Variants in MPP4 observed in about 807,000 individuals in gnomAD.
MPP4 encodes the protein MAGUK p55 subfamily member 4.
Under a neutral mutation model 98.3 loss-of-function variants are expected in MPP4, and 91 were observed. The observed-to-expected ratio is 0.93, with a 90% CI of 0.78 to 1.10. The LOEUF (loss-of-function observed/expected upper bound fraction) is 1.10. Ranked by LOEUF, MPP4 falls within the 50% of genes least tolerant of loss-of-function variation. The pLI is 0.00. For synonymous variants in MPP4, 261 were observed against 271.8 expected (o/e 0.96, Z 0.39); for missense variants, 744 against 792.9 (o/e 0.94, Z 0.74).
chr2:201,677,103 C>G (rs1006994763), intron 10 of MPP4, among the ~76,000 whole-genome samples: 18 of 152,026 alleles, frequency 1.2e-4, no homozygotes, highest in African/African-American at 3.9e-4. Flanking sequence ...TGTACCTTTC[C>G]TTGGTTACTC....
In MPP4 at chr2:201,658,485, A is replaced by T. The variant is rs1374074147; in HGVS notation, c.1121T>A (p.Phe374Tyr). 12 of 1,613,170 alleles carry T rather than the reference A, an allele frequency of 7.4e-6. No individual in the cohort carries two copies. The highest frequency in any genetic ancestry group is 3.3e-4 in the Middle Eastern group (2 of 6,060). The change falls in exon 16 of 22, where the codon TTC (phenylalanine) becomes TAC (tyrosine). Residue 374 changes from phenylalanine (F) to tyrosine (Y), a missense_variant. Phe to Tyr is a conservative substitution (Grantham distance 22). Coordinates refer to ENST00000409474, the MANE Select transcript of MPP4 (RefSeq NM_033066.3). ...GTTAATTTATCACCTACCTATAAAG[A>T]ACTTCTGACCGTAGCCAACAAACTC... ...KEEFVGYGQK[F>Y]FIAGFRRSMR...
intron 18 of MPP4, chr2:201,650,653 A>T: frequency 8.1e-6 from 8 of 985,398 alleles, no homozygotes; most frequent in Non-Finnish European, 9.6e-6. Context: ...AGACTGATGA[A>T]AAGCGAAGTT....
chr2:201,683,034 A>G (rs1377803985), intron 7 of MPP4, 118 bp from the exon 8 acceptor site: 20 of 660,302 alleles, frequency 3.0e-5, no homozygotes, highest in Non-Finnish European at 2.5e-6. Context: ...AATGTTTAAT[A>G]TAAAATAATA....
intron 3 of MPP4, among the ~76,000 whole-genome samples, 169 bp downstream of exon 3, chr2:201,692,739 G>T (rs1239699175): frequency 1.3e-5 from 2 of 152,086 alleles, no homozygotes; most frequent in East Asian, 3.9e-4. Flanking sequence ...CACTGAATCT[G>T]CTGCCGACTG....
At chr2:201,648,895 C>G (rs1157456193) in intron 20 of MPP4, among the ~76,000 whole-genome samples, 1 of 152,054 alleles carries the variant, frequency 6.6e-6, no homozygotes, top group Non-Finnish European at 1.5e-5. Flanking sequence ...GAAACCCTGT[C>G]TCTACTAAAA....
intron 10 of MPP4, among the ~76,000 whole-genome samples, chr2:201,677,813 A>G (rs1404522161): frequency 6.6e-6 from 1 of 152,196 alleles, no homozygotes; most frequent in African/African-American, 2.4e-5. Flanking sequence ...GTAGGAAGAG[A>G]GAAAAATTGT....
intron 7 of MPP4, 25 bp downstream of exon 7, chr2:201,685,039 C>G (rs1381074749): frequency 6.2e-7 from 1 of 1,601,052 alleles, no homozygotes; most frequent in Non-Finnish European, 8.5e-7. Flanking sequence ...TCTGGTAACT[C>G]TCAATCCCAG....
intron 9 of MPP4, 91 bp downstream of exon 9, chr2:201,681,405 G>A (rs1688662468): frequency 1.8e-6 from 2 of 1,119,582 alleles, no homozygotes; most frequent in Non-Finnish European, 2.7e-6. Flanking sequence ...GTCCAACACA[G>A]TACAAAGGAT....
At chr2:201,664,881 A>G (rs1309846334) in intron 13 of MPP4, among the ~76,000 whole-genome samples, 1 of 152,164 alleles carries the variant, frequency 6.6e-6, no homozygotes, top group Non-Finnish European at 1.5e-5. Flanking sequence ...ATAAGCTGTT[A>G]AAAAAATAAA....
Position 201,645,419 on chromosome 2 carries a change from G to C in MPP4, c.1720-15C>G, listed in dbSNP as rs546423644. ...AGGTCTTCATCCTTTAGGAGAAATA[G>C]AAAAATATGGATAGTACAGACTTAA... On this transcript the variant is annotated splice_polypyrimidine_tract_variant and intron_variant, in intron 21 of 21. Transcript: ENST00000409474. 1 of 1,604,862 alleles carries C rather than the reference G, an allele frequency of 6.2e-7. No individual in the cohort carries two copies. Among genetic ancestry groups the C allele is most frequent in the South Asian group, 1.1e-5 (1 of 90,650 alleles).
intron 7 of MPP4, 103 bp downstream of exon 7, chr2:201,684,961 G>GAA (rs71025250): frequency 1.1e-4 from 71 of 658,360 alleles, no homozygotes; most frequent in East Asian, 2.6e-4. Context: ...AAAAAAAAAA[G>GAA]AAAAAAAAAA....
intron 16 of MPP4, among the ~76,000 whole-genome samples, chr2:201,657,660 G>A (rs1390035411): frequency 3.5e-5 from 5 of 143,250 alleles, no homozygotes; most frequent in Non-Finnish European, 7.5e-5. Context: ...TGCAAGATAG[G>A]GGACAGACAG....
In MPP4 at chr2:201,645,196, T is replaced by C; in HGVS notation, c.*14A>G. 6.2e-7 allele frequency: 1 copy of C among 1,603,120 alleles called. No individual in the cohort carries two copies. Among genetic ancestry groups the C allele is most frequent in the Non-Finnish European group, 8.5e-7 (1 of 1,174,810 alleles). On this transcript the variant is annotated 3_prime_UTR_variant, in exon 22 of 22. Coordinates refer to ENST00000409474, the MANE Select transcript of MPP4 (RefSeq NM_033066.3). ...AGGGTACAGTGTTAAAACTCCAGCATTAAACAAGAAGTCTCATTGAGACTC... is the reference window on the plus strand; with the variant it reads ...AGGGTACAGTGTTAAAACTCCAGCACTAAACAAGAAGTCTCATTGAGACTC...
chr2:201,671,566 C>G (rs551237388), intron 11 of MPP4, among the ~76,000 whole-genome samples: 3 of 151,914 alleles, frequency 2.0e-5, no homozygotes, highest in Non-Finnish European at 4.4e-5. Context: ...ATTTACCAAG[C>G]AAATGGAAAG....
intron 11 of MPP4, among the ~76,000 whole-genome samples, chr2:201,670,310 G>A (rs13022987): frequency 0.069 from 10,494 of 152,142 alleles, 441 homozygotes; most frequent in East Asian, 0.2. Context: ...TAAGACTTAA[G>A]CAGAGCAGAA....
intron 14 of MPP4, among the ~76,000 whole-genome samples, chr2:201,663,865 G>C (rs1688092141): frequency 6.6e-6 from 1 of 152,284 alleles, no homozygotes; most frequent in Non-Finnish European, 1.5e-5. Flanking sequence ...CTGAGTGACA[G>C]AGAGACCTTG....
intron 15 of MPP4, among the ~76,000 whole-genome samples, chr2:201,659,341 T>C (rs2105919006): frequency 6.6e-6 from 1 of 152,332 alleles, no homozygotes; most frequent in East Asian, 1.9e-4. Flanking sequence ...TGTTTCTGAC[T>C]GGCCAGGACT....
chr2:201,662,255 A>G (rs1011191218), intron 14 of MPP4, among the ~76,000 whole-genome samples: 4 of 149,834 alleles, frequency 2.7e-5, no homozygotes, highest in East Asian at 1.9e-4. Flanking sequence ...ATATATTTTA[A>G]AAGTATATAT....
chr2:201,681,116 C>T, intron 9 of MPP4, 82 bp from the exon 10 acceptor site: 1 of 1,401,894 alleles, frequency 7.1e-7, no homozygotes, highest in Non-Finnish European at 9.7e-7. Flanking sequence ...GCCATCATGA[C>T]TTAAAACCAT....
Sources: allele counts gnomAD v4.1 joint callset (sites outside exome capture counted in the v4.1 genomes callset), GRCh38; gene constraint gnomAD v4.1.1; transcripts MANE v1.5; gene names NCBI Gene and HGNC (gene_info 2026-07-23, HGNC 2026-07-21).